Variants in PGM5 observed in about 807,000 individuals in gnomAD.
PGM5 encodes phosphoglucomutase-like protein 5.
In PGM5, 23 loss-of-function variants were observed where a neutral mutation model predicts 59.2. That is an observed-to-expected ratio of 0.39 (90% confidence interval 0.28 to 0.55). The LOEUF (loss-of-function observed/expected upper bound fraction) is 0.55. Among genes scored for constraint, PGM5 ranks in the 20% least tolerant of loss-of-function variants. PGM5 has a pLI of 0.66. For synonymous variants in PGM5, 214 were observed against 286.0 expected (o/e 0.75, Z 2.54); for missense variants, 574 against 748.3 (o/e 0.77, Z 2.72).
chr9:68,380,619 T>C (rs1822043965), intron 2 of PGM5, among the ~76,000 whole-genome samples: 2 of 151,724 alleles, frequency 1.3e-5, no homozygotes, highest in Non-Finnish European at 3.0e-5. Context: ...TAAAATGTAG[T>C]ATAGAAAAAC....
intron 1 of PGM5, among the ~76,000 whole-genome samples, chr9:68,367,248 C>A (rs1295117452): frequency 6.6e-6 from 1 of 151,874 alleles, no homozygotes; most frequent in East Asian, 1.9e-4. Flanking sequence ...AGTCAGTGCC[C>A]TGCTTTTCCA....
At position 68,436,468 on chromosome 9, in the gene PGM5, G is replaced by A. The variant is rs188614072; in HGVS notation, c.1044-28625G>A. ...AAAAATGTACTTATAGAATGAAGAC[G>A]AGCAGCCAGAGAGAAGGAGTATCTG... On this transcript the variant is annotated intron_variant, in intron 6 of 10. Coordinates refer to ENST00000396396, the MANE Select transcript of PGM5 (RefSeq NM_021965.4). Among the ~76,000 whole-genome samples the A allele has an allele frequency of 7.8e-3, 1,195 of 152,266 alleles. 9 individuals carry two copies. The highest frequency in any genetic ancestry group is 9.4e-3 in the Non-Finnish European group (641 of 68,018).
At chr9:68,450,959 A>G (rs979155372) in intron 6 of PGM5, among the ~76,000 whole-genome samples, 1 of 152,244 alleles carries the variant, frequency 6.6e-6, no homozygotes, top group Admixed American at 6.5e-5. Flanking sequence ...CAAGATATGC[A>G]GAATATTGTA....
At chr9:68,409,967 C>A (rs1822898134) in intron 6 of PGM5, among the ~76,000 whole-genome samples, 1 of 151,992 alleles carries the variant, frequency 6.6e-6, no homozygotes, top group South Asian at 2.1e-4. Context: ...CTTCTCAGGG[C>A]CTCGCTTTCC....
In PGM5 at chr9:68,484,026, A is replaced by T. The variant is rs1358729867; in HGVS notation, c.1457A>T (p.Asp486Val). Residue 486 changes from aspartate to valine, a missense_variant, in exon 9 of 11, where the codon GAT (aspartate) becomes GTT (valine). Around this residue, in one of 7 missense-constraint regions of PGM5, gnomAD observed 300 missense variants for 280.0 expected, o/e 1.07. Transcript: ENST00000396396. ...AGTTTTGAATACGTGGACCCTGTGG[A>T]TGGCACTGTGACCAAGAAACAGGTA... ...TDSFEYVDPV[D>V]GTVTKKQGLR... is the part of the protein sequence containing the mutation. 2 of 1,613,430 alleles carry T rather than the reference A, an allele frequency of 1.2e-6. No individual in the cohort carries two copies. The highest frequency in any genetic ancestry group is 1.3e-5 in the African/African-American group (1 of 74,860).
At chr9:68,458,296 T>A (rs1554685097) in intron 6 of PGM5, among the ~76,000 whole-genome samples, 1 of 152,222 alleles carries the variant, frequency 6.6e-6, no homozygotes, top group Admixed American at 6.5e-5. Flanking sequence ...AAGATCTAAC[T>A]GGGAAGAGTC....
chr9:68,492,902 T>C (rs1298295366), intron 9 of PGM5, among the ~76,000 whole-genome samples: 1 of 152,232 alleles, frequency 6.6e-6, no homozygotes, highest in Admixed American at 6.5e-5. Context: ...TACGAAGCAG[T>C]ATCTTCACCT....
At chr9:68,376,815 T>TTC (rs782291973) in intron 1 of PGM5, among the ~76,000 whole-genome samples, 63 of 103,180 alleles carry the variant, frequency 6.1e-4, no homozygotes, top group African/African-American at 2.6e-3. Flanking sequence ...CTTTCTTTCT[T>TTC]TCTTTCTTTC....
chr9:68,398,325 A>T (rs1822567215), intron 6 of PGM5: 1 of 152,126 alleles, frequency 6.6e-6, no homozygotes, highest in African/African-American at 2.4e-5. Flanking sequence ...CAGGAAAGAG[A>T]TGGCACCCTC....
intron 4 of PGM5, among the ~76,000 whole-genome samples, chr9:68,390,305 A>G (rs1822332243): frequency 6.6e-6 from 1 of 152,172 alleles, no homozygotes; most frequent in Admixed American, 6.5e-5. Context: ...TTTTCCAAAT[A>G]GTATGAGCAA....
At chr9:68,482,685 TC>T (rs1160055173) in intron 8 of PGM5, among the ~76,000 whole-genome samples, 3 of 152,208 alleles carry the variant, frequency 2.0e-5, no homozygotes, top group Admixed American at 6.5e-5. Flanking sequence ...CAGCTGCCCC[TC>T]CTATGGCTTC....
intron 10 of PGM5, among the ~76,000 whole-genome samples, chr9:68,523,049 T>G (rs1298764463): frequency 6.6e-6 from 1 of 152,210 alleles, no homozygotes; most frequent in Non-Finnish European, 1.5e-5. Context: ...CTTTCATTAC[T>G]TACAGTTCAA....
At chr9:68,453,875 T>C (rs1017027207) in intron 6 of PGM5, among the ~76,000 whole-genome samples, 2 of 152,228 alleles carry the variant, frequency 1.3e-5, no homozygotes, top group African/African-American at 4.8e-5. Context: ...GTCTAACTCC[T>C]GGGGTTTGCA....
chr9:68,383,226 G>GT (rs1554678524), intron 2 of PGM5, among the ~76,000 whole-genome samples: 1 of 151,870 alleles, frequency 6.6e-6, no homozygotes, highest in Non-Finnish European at 1.5e-5. Context: ...TACACTCTAA[G>GT]GCAGCGTTGT....
At chr9:68,438,398 A>G (rs1459142676) in intron 6 of PGM5, among the ~76,000 whole-genome samples, 1 of 151,824 alleles carries the variant, frequency 6.6e-6, no homozygotes, top group Non-Finnish European at 1.5e-5. Flanking sequence ...GTGTATCAAC[A>G]TTTCCTGTGG....
At chr9:68,424,379 T>C (rs2132050512) in intron 6 of PGM5, among the ~76,000 whole-genome samples, 1 of 152,270 alleles carries the variant, frequency 6.6e-6, no homozygotes, top group African/African-American at 2.4e-5. Context: ...GCTTCCTGGT[T>C]TATACATGGT....
chr9:68,431,948 A>G (rs1379517024), intron 6 of PGM5, among the ~76,000 whole-genome samples: 1 of 152,152 alleles, frequency 6.6e-6, no homozygotes, highest in African/African-American at 2.4e-5. Context: ...CAGCCCTCCA[A>G]TCTACTCCTG....
At chr9:68,470,593 T>A (rs1824003468) in intron 7 of PGM5, among the ~76,000 whole-genome samples, 1 of 152,254 alleles carries the variant, frequency 6.6e-6, no homozygotes, top group South Asian at 2.1e-4. Context: ...AAAACTTTAG[T>A]CCATTCCCTA....
At chr9:68,431,505 A>G (rs1214429203) in intron 6 of PGM5, among the ~76,000 whole-genome samples, 4 of 152,178 alleles carry the variant, frequency 2.6e-5, no homozygotes, top group Non-Finnish European at 5.9e-5. Context: ...TTTACAAAGA[A>G]CACCAGGATT....
Sources: gnomAD v4.1 joint callset for allele counts (sites outside exome capture counted in the v4.1 genomes callset) on GRCh38, gnomAD v4.1.1 for gene constraint, gnomAD v4.1.1 regional missense constraint, MANE v1.5 for transcripts, NCBI Gene and HGNC (gene_info 2026-07-23, HGNC 2026-07-21) for gene names.